HS6ST3: variants seen among roughly 807,000 people sequenced by gnomAD.
HS6ST3 encodes heparan-sulfate 6-O-sulfotransferase 3.
In HS6ST3, 12 loss-of-function variants were observed where a neutral mutation model predicts 36.7. The observed-to-expected ratio is 0.33, with a 90% CI of 0.21 to 0.53. The LOEUF (loss-of-function observed/expected upper bound fraction) is 0.53. HS6ST3 is among the 20% of genes least tolerant of loss of function. The pLI is 0.95. For missense variants in HS6ST3, 584 were observed against 640.9 expected (o/e 0.91, Z 0.96); for synonymous variants, 240 against 257.5 (o/e 0.93, Z 0.65).
intron 1 of HS6ST3, among the ~76,000 whole-genome samples, chr13:96,627,252 G>A (rs982090527): frequency 6.6e-6 from 1 of 151,994 alleles, no homozygotes; most frequent in East Asian, 1.9e-4. Flanking sequence ...TGTGTGTTGA[G>A]TTTTAACCAA....
chr13:96,524,139 G>T (rs2056104689), intron 1 of HS6ST3, among the ~76,000 whole-genome samples: 1 of 152,170 alleles, frequency 6.6e-6, no homozygotes, highest in African/African-American at 2.4e-5. Flanking sequence ...GTTGGAGTTT[G>T]CCAGAGGTTC....
rs115631828 is a variant in HS6ST3, at chr13:96,639,926, G to A, written c.708-192564G>A. ...TGGCTGTGTAGTTTTAGTATTCCATGACGTAAATGTACCACATTGGCTTTA... is the reference window on the plus strand; with the variant it reads ...TGGCTGTGTAGTTTTAGTATTCCATAACGTAAATGTACCACATTGGCTTTA... On this transcript the variant is annotated intron_variant, in intron 1 of 1. Coordinates refer to ENST00000376705, the MANE Select transcript of HS6ST3 (RefSeq NM_153456.4). Among the ~76,000 whole-genome samples, 1,009 of 152,068 alleles carry A rather than the reference G, an allele frequency of 6.6e-3. 8 individuals are homozygous for A. Among genetic ancestry groups the A allele is most frequent in the African/African-American group, 0.023 (955 of 41,494 alleles).
At chr13:96,205,845 A>G (rs2054367406) in intron 1 of HS6ST3, among the ~76,000 whole-genome samples, 1 of 152,224 alleles carries the variant, frequency 6.6e-6, no homozygotes, top group Non-Finnish European at 1.5e-5. Flanking sequence ...TGACAGACTC[A>G]CAGCCAGTAT....
At chr13:96,349,203 G>A (rs904225408) in intron 1 of HS6ST3, among the ~76,000 whole-genome samples, 4 of 152,188 alleles carry the variant, frequency 2.6e-5, no homozygotes, top group African/African-American at 9.7e-5. Context: ...TGGATTAGTG[G>A]AGATTGGTCT....
chr13:96,215,190 G>A (rs886205007), intron 1 of HS6ST3, among the ~76,000 whole-genome samples: 8 of 152,124 alleles, frequency 5.3e-5, no homozygotes, highest in African/African-American at 1.7e-4. Flanking sequence ...ATATGGACCC[G>A]TTTTGTCCAA....
rs140881723 is a variant in HS6ST3, at chr13:96,707,056, T to C, written c.708-125434T>C. Among the ~76,000 whole-genome samples, 574 of 152,302 alleles carry C rather than the reference T, an allele frequency of 3.8e-3. 2 individuals carry two copies. Among genetic ancestry groups the C allele is most frequent in the African/African-American group, 0.013 (561 of 41,560 alleles). ...TTTGAGTTTAGGAAATGTGTCTTAT[T>C]CATCTTTGCATCCTGGAGGCTTGGA... On this transcript the variant is annotated intron_variant, in intron 1 of 1. Coordinates refer to ENST00000376705, the MANE Select transcript of HS6ST3 (RefSeq NM_153456.4).
chr13:96,813,483 C>A lies in HS6ST3; in HGVS notation c.708-19007C>A, dbSNP rs116567011. On this transcript the variant is annotated intron_variant, in intron 1 of 1. Coordinates refer to ENST00000376705, the MANE Select transcript of HS6ST3 (RefSeq NM_153456.4). The stretch of plus-strand genomic sequence containing the variant: ...ACTCCTGCCTCTGATATGTAGGAGC[C>A]CAACATGTATTTGTTACTCAGTGAA... Among the ~76,000 whole-genome samples, 718 of 152,264 alleles carry A rather than the reference C, an allele frequency of 4.7e-3. 5 individuals carry two copies. The highest frequency in any genetic ancestry group is 0.016 in the African/African-American group (666 of 41,562).
At chr13:96,425,237 T>C (rs926401583) in intron 1 of HS6ST3, among the ~76,000 whole-genome samples, 4 of 152,218 alleles carry the variant, frequency 2.6e-5, no homozygotes, top group Non-Finnish European at 4.4e-5. Context: ...ATGTTTAAAG[T>C]GCTAGCACAG....
At chr13:96,717,063 G>A (rs1875716342) in intron 1 of HS6ST3, among the ~76,000 whole-genome samples, 1 of 152,196 alleles carries the variant, frequency 6.6e-6, no homozygotes, top group African/African-American at 2.4e-5. Flanking sequence ...AAACAGGGCA[G>A]CACAAGAACA....
At chr13:96,766,812 C>G (rs907248905) in intron 1 of HS6ST3, among the ~76,000 whole-genome samples, 1 of 152,152 alleles carries the variant, frequency 6.6e-6, no homozygotes, top group Non-Finnish European at 1.5e-5. Context: ...TTTGGGACCT[C>G]TTCTGGTGGC....
chr13:96,253,510 TG>T (rs1471108756), intron 1 of HS6ST3, among the ~76,000 whole-genome samples: 8 of 152,308 alleles, frequency 5.3e-5, no homozygotes, highest in African/African-American at 1.7e-4. Flanking sequence ...ATTGGTATGC[TG>T]GATACTCAAC....
intron 1 of HS6ST3, among the ~76,000 whole-genome samples, chr13:96,799,613 A>G (rs1227526566): frequency 3.0e-5 from 4 of 132,196 alleles, no homozygotes; most frequent in Non-Finnish European, 1.6e-5. Flanking sequence ...GGGGAACATC[A>G]CACACTGGGG....
In HS6ST3 at chr13:96,834,075, C is replaced by T. The variant is rs1052920667; in HGVS notation, c.*877C>T. 3.3e-5 allele frequency: 5 copies of T among 152,196 alleles called. No individual in the cohort carries two copies. The highest frequency in any genetic ancestry group is 7.3e-5 in the Non-Finnish European group (5 of 68,042). The allele number at this position is 152,196 out of a possible 1,614,324, so 9.4% of individuals were successfully genotyped here. On this transcript the variant is annotated 3_prime_UTR_variant, in exon 2 of 2. Transcript: ENST00000376705. Reference sequence around the variant, plus strand: ...TCAATATATGCCTAACATTTCTAAACTGGCCACATAACCTTAGATTTTTAA... The same window carrying T: ...TCAATATATGCCTAACATTTCTAAATTGGCCACATAACCTTAGATTTTTAA...
At chr13:96,396,984 A>C (rs191290838) in intron 1 of HS6ST3, among the ~76,000 whole-genome samples, 3 of 152,278 alleles carry the variant, frequency 2.0e-5, no homozygotes, top group Admixed American at 6.5e-5. Flanking sequence ...GGGCAGAGTC[A>C]CTTGAGGTCA....
At chr13:96,558,460 T>A (rs2056249400) in intron 1 of HS6ST3, among the ~76,000 whole-genome samples, 1 of 152,216 alleles carries the variant, frequency 6.6e-6, no homozygotes, top group African/African-American at 2.4e-5. Flanking sequence ...ATAACAGTTA[T>A]CACTGCTGGC....
intron 1 of HS6ST3, among the ~76,000 whole-genome samples, chr13:96,524,661 T>C (rs936478534): frequency 2.0e-5 from 3 of 152,182 alleles, no homozygotes; most frequent in Admixed American, 6.5e-5. Flanking sequence ...CGAGCAAGGC[T>C]CCGTGGGCAT....
intron 1 of HS6ST3, among the ~76,000 whole-genome samples, chr13:96,608,344 G>A (rs1046513004): frequency 9.2e-5 from 14 of 152,192 alleles, no homozygotes; most frequent in African/African-American, 3.1e-4. Context: ...AATTTCCAAT[G>A]AATGAATATG....
chr13:96,738,961 A>G (rs1358262211), intron 1 of HS6ST3, among the ~76,000 whole-genome samples: 1 of 152,144 alleles, frequency 6.6e-6, no homozygotes, highest in Non-Finnish European at 1.5e-5. Context: ...TTGTTGTTCC[A>G]CTAAAACTCT....
chr13:96,363,578 A>C (rs911390321), intron 1 of HS6ST3, among the ~76,000 whole-genome samples: 1 of 152,180 alleles, frequency 6.6e-6, no homozygotes, highest in Admixed American at 6.5e-5. Flanking sequence ...CATTCTTCTT[A>C]TTATTCTCCT....
Sources: gnomAD v4.1 joint callset for allele counts (sites outside exome capture counted in the v4.1 genomes callset) on GRCh38, gnomAD v4.1.1 for gene constraint, MANE v1.5 for transcripts, NCBI Gene and HGNC (gene_info 2026-07-23, HGNC 2026-07-21) for gene names.